The following TMPRSS11F variants were observed in gnomAD, a reference collection of about 807,000 sequenced individuals.
TMPRSS11F encodes the protein transmembrane serine protease 11F, also known as transmembrane protease serine 11F.
A neutral mutation model predicts 60.2 loss-of-function variants in TMPRSS11F; 47 were observed. That is an observed-to-expected ratio of 0.78 (90% confidence interval 0.62 to 1.00). The LOEUF is 1.00. Ranked by LOEUF, TMPRSS11F falls within the 50% of genes least tolerant of loss-of-function variation. TMPRSS11F has a pLI of 0.00. For synonymous variants in TMPRSS11F, 166 were observed against 167.3 expected (o/e 0.99, Z 0.06); for missense variants, 519 against 522.9 (o/e 0.99, Z 0.07).
At chr4:68,116,789 C>CA (rs1724529601) in intron 1 of TMPRSS11F, among the ~76,000 whole-genome samples, 1 of 152,168 alleles carries the variant, frequency 6.6e-6, no homozygotes, top group South Asian at 2.1e-4. Flanking sequence ...TAAACATCCA[C>CA]ATGCAGAAGA....
chr4:68,074,920 A>T (rs905418528), intron 3 of TMPRSS11F, among the ~76,000 whole-genome samples: 2 of 152,104 alleles, frequency 1.3e-5, no homozygotes, highest in Non-Finnish European at 2.9e-5. Context: ...AACATGGCAA[A>T]CTCCATTTCT....
intron 3 of TMPRSS11F, among the ~76,000 whole-genome samples, chr4:68,088,119 C>T (rs1049616012): frequency 6.6e-6 from 1 of 151,756 alleles, no homozygotes; most frequent in Non-Finnish European, 1.5e-5. Flanking sequence ...AGAGTCAAGA[C>T]CCATCAGTGT....
At chr4:68,075,888 G>A (rs1723573428) in intron 3 of TMPRSS11F, among the ~76,000 whole-genome samples, 1 of 151,966 alleles carries the variant, frequency 6.6e-6, no homozygotes, top group Non-Finnish European at 1.5e-5. Flanking sequence ...AGCTACTCGG[G>A]AGGCTGAAGC....
At chr4:68,091,718 T>C (rs1723934221) in intron 2 of TMPRSS11F, among the ~76,000 whole-genome samples, 2 of 151,674 alleles carry the variant, frequency 1.3e-5, no homozygotes, top group South Asian at 4.2e-4. Context: ...AGTCTTTAAA[T>C]CCTGTAACTA....
intron 8 of TMPRSS11F, among the ~76,000 whole-genome samples, chr4:68,059,918 GTAT>G (rs1477774726): frequency 6.6e-6 from 1 of 152,152 alleles, no homozygotes; most frequent in Non-Finnish European, 1.5e-5. Flanking sequence ...ACTCTGTCAT[GTAT>G]TATTTAGGGG....
chr4:68,086,805 C>T (rs1328892233), intron 3 of TMPRSS11F, among the ~76,000 whole-genome samples: 1 of 151,968 alleles, frequency 6.6e-6, no homozygotes, highest in Non-Finnish European at 1.5e-5. Context: ...AACATATAAC[C>T]TCCATGAATG....
At chr4:68,062,516 G>A in intron 8 of TMPRSS11F, 2 of 731,702 alleles carry the variant, frequency 2.7e-6, no homozygotes, top group Non-Finnish European at 5.1e-6. Context: ...ATGCTGCATT[G>A]GATGGTAACT....
intron 1 of TMPRSS11F, among the ~76,000 whole-genome samples, chr4:68,122,131 C>T (rs960697762): frequency 1.3e-5 from 2 of 151,912 alleles, no homozygotes; most frequent in Non-Finnish European, 2.9e-5. Context: ...AAAAGATATA[C>T]CATATAGTAT....
At chr4:68,109,467 T>C (rs540250190) in intron 1 of TMPRSS11F, among the ~76,000 whole-genome samples, 2 of 152,294 alleles carry the variant, frequency 1.3e-5, no homozygotes, top group African/African-American at 2.4e-5. Flanking sequence ...CAGGTGGATA[T>C]AACGATGAAA....
intron 1 of TMPRSS11F, among the ~76,000 whole-genome samples, chr4:68,124,723 C>G (rs748537625): frequency 6.6e-6 from 1 of 152,020 alleles, no homozygotes; most frequent in Non-Finnish European, 1.5e-5. Flanking sequence ...AGAGTTAAGG[C>G]TGTTGTTTGG....
intron 1 of TMPRSS11F, among the ~76,000 whole-genome samples, chr4:68,125,704 C>A (rs1357597952): frequency 6.6e-6 from 1 of 152,062 alleles, no homozygotes; most frequent in East Asian, 1.9e-4. Flanking sequence ...ACACAATATC[C>A]TTTTTTAAAG....
At chr4:68,090,849 C>T (rs1723914144) in intron 2 of TMPRSS11F, among the ~76,000 whole-genome samples, 1 of 152,162 alleles carries the variant, frequency 6.6e-6, no homozygotes, top group African/African-American at 2.4e-5. Flanking sequence ...AGTACTCATA[C>T]ATAACACTCC....
At chr4:68,115,356 C>T (rs1395459768) in intron 1 of TMPRSS11F, among the ~76,000 whole-genome samples, 4 of 74,690 alleles carry the variant, frequency 5.4e-5, no homozygotes, top group African/African-American at 2.1e-4. Context: ...GACACCATCT[C>T]AAAAAAAAAA....
At chr4:68,058,974 T>C (rs767575495) in intron 9 of TMPRSS11F, among the ~76,000 whole-genome samples, 14 of 152,188 alleles carry the variant, frequency 9.2e-5, no homozygotes, top group Non-Finnish European at 1.8e-4. Context: ...AGGTCAGTGT[T>C]GCTAATGCAG....
rs530567806 is a variant in TMPRSS11F, at chr4:68,059,546, A to C, written c.1016-78T>G. Reference sequence around the variant, plus strand: ...TGTATCTAAGACATAGAAGACACATAAATTGTAGCAAAAGCCAAAGATTAT... The same window carrying C: ...TGTATCTAAGACATAGAAGACACATCAATTGTAGCAAAAGCCAAAGATTAT... On this transcript the variant is annotated intron_variant, in intron 8 of 9. Coordinates refer to ENST00000356291, the MANE Select transcript of TMPRSS11F (RefSeq NM_207407.2). The C allele has an allele frequency of 2.3e-5, 32 of 1,385,976 alleles. No homozygotes were observed. In the Admixed American group the frequency reaches 5.7e-4, roughly 25 times the overall value. 85.9% of individuals were successfully genotyped at this position (1,385,976 alleles called of 1,614,324 possible).
chr4:68,068,910 C>G, intron 6 of TMPRSS11F, 91 bp from the exon 7 acceptor site: 1 of 1,336,856 alleles, frequency 7.5e-7, no homozygotes, highest in Non-Finnish European at 1.1e-6. Context: ...TCCTTTGTCC[C>G]TGCTACCATG....
At chr4:68,077,372 A>C (rs1019748540) in intron 3 of TMPRSS11F, 4 of 152,236 alleles carry the variant, frequency 2.6e-5, no homozygotes, top group African/African-American at 7.2e-5. Flanking sequence ...GCAAGAGTGC[A>C]TTAAGGCCCA....
intron 1 of TMPRSS11F, among the ~76,000 whole-genome samples, chr4:68,111,883 T>C (rs552846256): frequency 3.0e-4 from 46 of 152,220 alleles, no homozygotes; most frequent in Admixed American, 2.4e-3. Flanking sequence ...CAATTATTTC[T>C]GTACTCTATA....
chr4:68,114,809 T>C (rs1340580557), intron 1 of TMPRSS11F, among the ~76,000 whole-genome samples: 3 of 151,654 alleles, frequency 2.0e-5, no homozygotes, highest in Non-Finnish European at 2.9e-5. Flanking sequence ...ACCAATATTA[T>C]ATAAAAACAA....
Sources: allele counts gnomAD v4.1 joint callset (sites outside exome capture counted in the v4.1 genomes callset), GRCh38; gene constraint gnomAD v4.1.1; transcripts MANE v1.5; gene names NCBI Gene and HGNC (gene_info 2026-07-23, HGNC 2026-07-21).